The following SGF29 variants were observed in gnomAD, a reference collection of about 807,000 sequenced individuals.
SGF29 encodes SAGA-associated factor 29.
A neutral mutation model predicts 38.1 loss-of-function variants in SGF29; 15 were observed. That is an observed-to-expected ratio of 0.39 (90% CI 0.26 to 0.61). The LOEUF (loss-of-function observed/expected upper bound fraction) is 0.61, where lower values mean the gene tolerates loss of function less well. Ranked by LOEUF, SGF29 falls within the 20% of genes least tolerant of loss-of-function variation. The pLI is 0.49. For missense variants in SGF29, 184 were observed against 394.6 expected (o/e 0.47, Z 4.52); for synonymous variants, 151 against 160.8 (o/e 0.94, Z 0.46).
chr16:28,555,286 A>C (rs2046742513), intron 1 of SGF29, among the ~76,000 whole-genome samples: 1 of 151,996 alleles, frequency 6.6e-6, no homozygotes, highest in South Asian at 2.1e-4. Context: ...CAACGTGGTG[A>C]AATCCAGTCT....
intron 1 of SGF29, among the ~76,000 whole-genome samples, chr16:28,564,862 C>A (rs2046827276): frequency 6.7e-6 from 1 of 148,458 alleles, no homozygotes; most frequent in South Asian, 2.1e-4. Flanking sequence ...CTCACGATTA[C>A]AAGGTGAAAT....
intron 1 of SGF29, among the ~76,000 whole-genome samples, chr16:28,557,342 A>G (rs902397189): frequency 2.0e-5 from 3 of 152,230 alleles, no homozygotes; most frequent in African/African-American, 7.2e-5. Flanking sequence ...TGTAAAATAT[A>G]TATCTGGTTT....
At chr16:28,572,934 C>T (rs745973092) in intron 1 of SGF29, among the ~76,000 whole-genome samples, 2 of 152,084 alleles carry the variant, frequency 1.3e-5, no homozygotes, top group Non-Finnish European at 2.9e-5. Context: ...CTCCATTCAG[C>T]ACCCCCCATA....
chr16:28,577,894 A>G (rs935718808), intron 1 of SGF29, among the ~76,000 whole-genome samples: 2 of 152,118 alleles, frequency 1.3e-5, no homozygotes, highest in African/African-American at 2.4e-5. Flanking sequence ...TTTCCCCACT[A>G]ATTTGTCTTG....
chr16:28,577,025 T>C (rs2046898450), intron 1 of SGF29, among the ~76,000 whole-genome samples: 1 of 151,610 alleles, frequency 6.6e-6, no homozygotes, highest in Admixed American at 6.6e-5. Context: ...AATACAGAAA[T>C]TAGCCGGGCG....
intron 1 of SGF29, 134 bp downstream of exon 1, chr16:28,554,231 G>T (rs993206046): frequency 2.6e-5 from 4 of 151,958 alleles, no homozygotes; most frequent in East Asian, 1.9e-4. Flanking sequence ...GCTCTGGGCG[G>T]GAGGGGGGCG....
chr16:28,572,340 GCT>G (rs2046869895), intron 1 of SGF29, among the ~76,000 whole-genome samples: 1 of 150,780 alleles, frequency 6.6e-6, no homozygotes, highest in Non-Finnish European at 1.5e-5. Flanking sequence ...CACGATCTCG[GCT>G]CACTGCAACA....
chr16:28,562,494 G>A (rs901761020), intron 1 of SGF29, among the ~76,000 whole-genome samples: 1 of 152,134 alleles, frequency 6.6e-6, no homozygotes, highest in South Asian at 2.1e-4. Context: ...ATTGATGCTG[G>A]GCATGCTGCT....
intron 1 of SGF29, among the ~76,000 whole-genome samples, chr16:28,562,058 C>T (rs1444864256): frequency 2.0e-5 from 3 of 152,318 alleles, no homozygotes; most frequent in East Asian, 1.9e-4. Context: ...AAAGCTCAAA[C>T]GAGAGCCCTT....
intron 2 of SGF29, among the ~76,000 whole-genome samples, chr16:28,581,439 G>C (rs1010981148): frequency 5.3e-5 from 8 of 152,114 alleles, no homozygotes; most frequent in African/African-American, 1.9e-4. Context: ...TCACAAAATT[G>C]TGCAACCATT....
At chr16:28,564,572 T>C (rs1250916751) in intron 1 of SGF29, among the ~76,000 whole-genome samples, 1 of 132,290 alleles carries the variant, frequency 7.6e-6, no homozygotes, top group Non-Finnish European at 1.6e-5. Context: ...TATACGTATA[T>C]ATATACACGT....
chr16:28,556,789 G>A (rs2046755349), intron 1 of SGF29, among the ~76,000 whole-genome samples: 1 of 151,986 alleles, frequency 6.6e-6, no homozygotes, highest in East Asian at 1.9e-4. Flanking sequence ...GACTACACAT[G>A]TGCACCACCC....
In SGF29 at chr16:28,583,102, G is replaced by A. The variant is rs114349286; in HGVS notation, c.76-1811G>A. 2.8e-3 allele frequency among the ~76,000 whole-genome samples: 431 copies of A among 152,324 alleles called. 5 individuals carry two copies. The highest frequency in any genetic ancestry group is 9.6e-3 in the African/African-American group (401 of 41,566). Reference sequence around the variant, plus strand: ...CACCCGTCAGCTTCCAAAAGCAGGCGTGGTCCTGACAGACACAGGGCTTCG... The same window carrying A: ...CACCCGTCAGCTTCCAAAAGCAGGCATGGTCCTGACAGACACAGGGCTTCG... On this transcript the variant is annotated intron_variant, in intron 2 of 9. Transcript: ENST00000317058.
intron 1 of SGF29, among the ~76,000 whole-genome samples, chr16:28,567,797 A>G (rs1596599375): frequency 6.6e-6 from 1 of 152,138 alleles, no homozygotes; most frequent in Non-Finnish European, 1.5e-5. Flanking sequence ...GGGAAAGGTG[A>G]TCTTTGTTAT....
At chr16:28,569,426 G>T (rs2046852013) in intron 1 of SGF29, among the ~76,000 whole-genome samples, 2 of 152,156 alleles carry the variant, frequency 1.3e-5, no homozygotes, top group South Asian at 4.1e-4. Flanking sequence ...TTAGGAGGTT[G>T]AGGCAGGTGG....
At chr16:28,577,421 C>G (rs1340715604) in intron 1 of SGF29, among the ~76,000 whole-genome samples, 1 of 151,924 alleles carries the variant, frequency 6.6e-6, no homozygotes, top group Admixed American at 6.6e-5. Flanking sequence ...CTTCCCCACC[C>G]AGCTTTCTAT....
intron 1 of SGF29, among the ~76,000 whole-genome samples, chr16:28,578,693 A>G (rs1342581214): frequency 1.3e-5 from 2 of 151,766 alleles, no homozygotes; most frequent in Non-Finnish European, 2.9e-5. Context: ...TTAAAAAAAA[A>G]AAAAAAAAAG....
chr16:28,580,873 G>A (rs1805306749), intron 1 of SGF29, among the ~76,000 whole-genome samples, 182 bp from the exon 2 acceptor site: 4 of 152,160 alleles, frequency 2.6e-5, no homozygotes, highest in Admixed American at 2.6e-4. Flanking sequence ...TGTAAAGACG[G>A]GGTCTCCGTG....
chr16:28,584,556 G>A (rs1023918989), intron 2 of SGF29, among the ~76,000 whole-genome samples: 30 of 152,096 alleles, frequency 2.0e-4, no homozygotes, highest in African/African-American at 7.0e-4. Flanking sequence ...TTGGGAGGCC[G>A]AGGCAGGCGG....
Sources: gnomAD v4.1 joint callset for allele counts (sites outside exome capture counted in the v4.1 genomes callset) on GRCh38, gnomAD v4.1.1 for gene constraint, MANE v1.5 for transcripts, NCBI Gene and HGNC (gene_info 2026-07-23, HGNC 2026-07-21) for gene names.